The following DRAP1 variants were observed in gnomAD, a reference collection of about 807,000 sequenced individuals.
DRAP1 encodes the protein DR1 associated protein 1, also known as dr1-associated corepressor.
Under a neutral mutation model 24.1 loss-of-function variants are expected in DRAP1, and 10 were observed. The observed-to-expected ratio is 0.41, with a 90% CI of 0.26 to 0.70. The LOEUF (loss-of-function observed/expected upper bound fraction) is 0.70. Among genes scored for constraint, DRAP1 ranks in the 30% least tolerant of loss-of-function variants. The pLI is 0.29. For missense variants in DRAP1, 264 were observed against 275.6 expected, an observed-to-expected ratio of 0.96 and a Z score of 0.30; for synonymous variants, 122 against 113.8, an observed-to-expected ratio of 1.07 and a Z score of -0.46.
chr11:65,920,391 G>A lies in DRAP1; in HGVS notation c.258G>A (p.Leu86=), dbSNP rs755514978. The A allele has an allele frequency of 2.5e-6, 4 of 1,613,990 alleles. No homozygotes were observed. The highest frequency in any genetic ancestry group is 1.7e-5 in the Admixed American group (1 of 60,008). The change falls in exon 4 of 7, where the codon CTG becomes CTA. Residue 86 remains leucine, a synonymous_variant. Transcript: ENST00000312515. The stretch of plus-strand genomic sequence containing the variant: ...AGCAGTTTGACTTCTTGAAGGACCT[G>A]GTGGCATCTGTTCCCGACATGCAGG... ...LEQQFDFLKD[L]VASVPDMQGD...
chr11:65,921,172 C>T (rs1448234795), intron 6 of DRAP1, 158 bp from the exon 7 acceptor site: 4 of 683,420 alleles, frequency 5.9e-6, no homozygotes, highest in Non-Finnish European at 9.9e-6. Flanking sequence ...TGGGTGGGGC[C>T]TGGGCCTGCC....
At position 65,921,326 on chromosome 11, in the gene DRAP1, G is replaced by A. The variant is rs905161431; in HGVS notation, c.513-4G>A. On this transcript the variant is annotated splice_polypyrimidine_tract_variant and splice_region_variant and intron_variant, in intron 6 of 6. Coordinates refer to ENST00000312515, the MANE Select transcript of DRAP1 (RefSeq NM_006442.4). Reference sequence around the variant, plus strand: ...CTGACTCTCTCCTGCCTTCTGCCCTGCAGCCCCCCGACACCCTTCCTGCCC... The same window carrying A: ...CTGACTCTCTCCTGCCTTCTGCCCTACAGCCCCCCGACACCCTTCCTGCCC... 1.3e-6 allele frequency: 2 copies of A among 1,580,852 alleles called. No homozygotes were observed. The highest frequency in any genetic ancestry group is 1.7e-6 in the Non-Finnish European group (2 of 1,151,466).
rs1451923651 is a variant in DRAP1, at chr11:65,920,454, C to T, written c.321C>T (p.Gly107=). The change falls in exon 4 of 7, where the codon GGC becomes GGT. Residue 107 remains glycine, a synonymous_variant. Transcript: ENST00000312515. ...GEDNHMDGDK[G]ARRGRKPGSG... is the part of the protein sequence containing the mutation. ...ACAACCACATGGATGGGGACAAGGG[C>T]GCCCGCAGGTGGGGCCAGGGCCTGG... 1.2e-6 allele frequency: 2 copies of T among 1,614,004 alleles called. No individual in the cohort carries two copies. The highest frequency in any genetic ancestry group is 1.3e-5 in the African/African-American group (1 of 75,048).
Position 65,920,650 on chromosome 11 carries a change from C to T in DRAP1, c.411C>T (p.Asp137=). 7 of 1,495,800 alleles carry T rather than the reference C, an allele frequency of 4.7e-6. No homozygotes were observed. The highest frequency in any genetic ancestry group is 6.3e-6 in the Non-Finnish European group (7 of 1,118,586). The allele number at this position is 1,495,800 out of a possible 1,614,324, so 92.7% of individuals were successfully genotyped here. ...AGGACAAGAAGCTGTCCGGGACAGA[C>T]TCGGAGCAGGAGGTGAGTGAGGCCC... is the stretch of plus-strand genomic sequence containing the variant. ...KSKDKKLSGT[D]SEQEDESEDT... Residue 137 remains aspartate, a synonymous_variant, in exon 5 of 7, where the codon GAC becomes GAT. Coordinates refer to ENST00000312515, the MANE Select transcript of DRAP1 (RefSeq NM_006442.4).
rs751921176 is a variant in DRAP1, at chr11:65,920,511, T to G, written c.329+49T>G. 7.4e-6 allele frequency: 12 copies of G among 1,612,164 alleles called. No homozygotes were observed. The African/African-American group carries it at 8.0e-5, about 11-fold the overall frequency. ...GTGGGGAAGGCCAAGGCCACAGGGC[T>G]TGGGGGTGGCCAAGGAGTAGGGAGC... On this transcript the variant is annotated intron_variant, in intron 4 of 6. Coordinates refer to ENST00000312515, the MANE Select transcript of DRAP1 (RefSeq NM_006442.4).
Position 65,919,463 on chromosome 11 carries a change from C to A in DRAP1, c.-39C>A, listed in dbSNP as rs1208761500. On this transcript the variant is annotated 5_prime_UTR_variant, in exon 1 of 7. Coordinates refer to ENST00000312515, the MANE Select transcript of DRAP1 (RefSeq NM_006442.4). Reference sequence around the variant, plus strand: ...GGCCCGGGAGCCGGGAGGCTGCGGGCGGCGGCGCTGGACCCGACGCGGCGA... The same window carrying A: ...GGCCCGGGAGCCGGGAGGCTGCGGGAGGCGGCGCTGGACCCGACGCGGCGA... 1 of 1,513,302 alleles carries A rather than the reference C, an allele frequency of 6.6e-7. No homozygotes were observed. The highest frequency in any genetic ancestry group is 8.8e-7 in the Non-Finnish European group (1 of 1,131,986). The allele number at this position is 1,513,302 out of a possible 1,614,324, so 93.7% of individuals were successfully genotyped here.
intron 1 of DRAP1, 27 bp from the exon 2 acceptor site, chr11:65,919,753 G>GGT: frequency 6.2e-7 from 1 of 1,612,674 alleles, no homozygotes; most frequent in African/African-American, 1.3e-5. Context: ...TGGCGACGGG[G>GGT]TCTGAACTCT....
At position 65,921,444 on chromosome 11, in the gene DRAP1, G is replaced by GC. The variant is rs767392006; in HGVS notation, c.*15dup. 1.2e-5 allele frequency: 18 copies of GC among 1,522,532 alleles called. No individual in the cohort carries two copies. The highest frequency in any genetic ancestry group is 1.7e-4 in the Middle Eastern group (1 of 5,878). 94.3% of individuals were successfully genotyped at this position (1,522,532 alleles called of 1,614,324 possible). A position where few individuals can be genotyped will look rare whatever the true frequency, so the allele number is the denominator to read the frequency against. ...AAGATTACGACTCCTAGCGCCTTCT[G>GC]CCCCCCAGACCATAGCCCCTTTTAG... On this transcript the variant is annotated 3_prime_UTR_variant, in exon 7 of 7. Coordinates refer to ENST00000312515, the MANE Select transcript of DRAP1 (RefSeq NM_006442.4).
In DRAP1 at chr11:65,921,373, C is replaced by T. The variant is rs1854548528; in HGVS notation, c.556C>T (p.Pro186Ser). 3 of 1,610,572 alleles carry T rather than the reference C, an allele frequency of 1.9e-6. No individual in the cohort carries two copies. Among genetic ancestry groups the T allele is most frequent in the Non-Finnish European group, 2.5e-6 (3 of 1,177,110 alleles). The change falls in exon 7 of 7, where the codon CCC (proline) becomes TCC (serine). Residue 186 changes from proline (P) to serine (S), a missense_variant. Pro to Ser is a moderately conservative substitution (Grantham distance 74). This residue lies in a region of DRAP1 where 243 missense variants were observed against 233.6 expected (regional missense o/e 1.04). Transcript: ENST00000312515. ...GCCCTTCGCCTCTACTCTGCCTTTG[C>T]CCCCAGCGCCCCCGGGCCCCTCAGC... ...FLPFASTLPL[P>S]PAPPGPSAPD...
chr11:65,921,007 G>T, intron 6 of DRAP1, 35 bp downstream of exon 6: 1 of 1,521,380 alleles, frequency 6.6e-7, no homozygotes, highest in South Asian at 1.2e-5. Context: ...GGTGCTGGCA[G>T]ACTCCCCAGA....
chr11:65,919,511 A>C lies in DRAP1; in HGVS notation c.10A>C (p.Lys4Gln), dbSNP rs1341197444. 6.5e-7 allele frequency: 1 copy of C among 1,541,806 alleles called. No homozygotes were observed. The highest frequency in any genetic ancestry group is 8.7e-7 in the Non-Finnish European group (1 of 1,143,622). MPS[K>Q]KKKYNARFPP... ...CGAGAGAGGCCCCGAGATGCCGAGC[A>C]AGAAGAAGAAGTACAACGCGCGGTT... The change falls in exon 1 of 7, where the codon AAG becomes CAG. Residue 4 changes from lysine (K) to glutamine (Q), a missense_variant. This residue lies in a region of DRAP1 where 21 missense variants were observed against 42.0 expected (regional missense o/e 0.50). Coordinates refer to ENST00000312515, the MANE Select transcript of DRAP1 (RefSeq NM_006442.4).
At chr11:65,920,502 C>T in intron 4 of DRAP1, 40 bp downstream of exon 4, 2 of 1,612,760 alleles carry the variant, frequency 1.2e-6, no homozygotes, top group East Asian at 2.2e-5. Flanking sequence ...AAGGCCAAGG[C>T]CACAGGGCTT....
At chr11:65,919,610 T>C in intron 1 of DRAP1, 67 bp downstream of exon 1, 1 of 1,543,244 alleles carries the variant, frequency 6.5e-7, no homozygotes, top group Non-Finnish European at 8.7e-7. Context: ...CAGTTCCCGC[T>C]GGGCAGGCGG....
At chr11:65,919,688 C>T (rs1179554481) in intron 1 of DRAP1, 92 bp from the exon 2 acceptor site, 3 of 1,553,294 alleles carry the variant, frequency 1.9e-6, no homozygotes, top group Non-Finnish European at 2.6e-6. Flanking sequence ...CCGTGTCCCC[C>T]GCCCCCTTTC....
At chr11:65,920,816 G>A (rs1854541127) in intron 5 of DRAP1, 68 bp from the exon 6 acceptor site, 1 of 1,524,800 alleles carries the variant, frequency 6.6e-7, no homozygotes, top group Admixed American at 1.9e-5. Flanking sequence ...GTCTACTGCT[G>A]TCCCTGCCAC....
At chr11:65,921,209 C>T (rs986191954) in intron 6 of DRAP1, 121 bp from the exon 7 acceptor site, 20 of 733,246 alleles carry the variant, frequency 2.7e-5, no homozygotes, top group African/African-American at 3.6e-5. Context: ...GGGCCTTGGC[C>T]GCATGGATCT....
At position 65,919,767 on chromosome 11, in the gene DRAP1, C is replaced by T. The variant is rs778559486; in HGVS notation, c.43-13C>T. On this transcript the variant is annotated splice_polypyrimidine_tract_variant and intron_variant, in intron 1 of 6. Coordinates refer to ENST00000312515, the MANE Select transcript of DRAP1 (RefSeq NM_006442.4). ...GTGGCGACGGGGTCTGAACTCTGCT[C>T]CCCCACCCGCAGGCGCGGATCAAGA... 1 of 1,612,802 alleles carries T rather than the reference C, an allele frequency of 6.2e-7. No homozygotes were observed. The highest frequency in any genetic ancestry group is 8.5e-7 in the Non-Finnish European group (1 of 1,179,930).
rs200877260 is a variant in DRAP1 at position 65,920,879 on chromosome 11, C to G, written c.424-5C>G. ...TGTCAACTCTGACCTCTGCGGTGCT[C>G]ACAGGATGAATCTGAGGACACAGAT... On this transcript the variant is annotated splice_region_variant and splice_polypyrimidine_tract_variant and intron_variant, in intron 5 of 6. Coordinates refer to ENST00000312515, the MANE Select transcript of DRAP1 (RefSeq NM_006442.4). The G allele has an allele frequency of 3.9e-4, 626 of 1,610,884 alleles. 3 individuals carry two copies. Among genetic ancestry groups the G allele is most frequent in the Middle Eastern group, 9.9e-4 (6 of 6,072 alleles).
rs778071745 is a variant in DRAP1, at chr11:65,920,419, G to A, written c.286G>A (p.Asp96Asn). 4 of 1,614,150 alleles carry A rather than the reference G, an allele frequency of 2.5e-6. No individual in the cohort carries two copies. The highest frequency in any genetic ancestry group is 2.2e-5 in the East Asian group (1 of 44,884). ...GGCATCTGTTCCCGACATGCAGGGG[G>A]ACGGGGAAGACAACCACATGGATGG... ...LVASVPDMQGDGEDNHMDGDK... is the reference protein window; with the variant it reads ...LVASVPDMQGNGEDNHMDGDK... Residue 96 changes from aspartate (D) to asparagine (N), a missense_variant, in exon 4 of 7, where the codon GAC becomes AAC. Physicochemically the swap from Asp to Asn is conservative, Grantham distance 23. This residue lies in a region of DRAP1 where 243 missense variants were observed against 233.6 expected (regional missense o/e 1.04). Transcript: ENST00000312515.
Sources: gnomAD v4.1 joint callset for allele counts on GRCh38, gnomAD v4.1.1 for gene constraint, gnomAD v4.1.1 regional missense constraint, MANE v1.5 for transcripts, NCBI Gene and HGNC (gene_info 2026-07-23, HGNC 2026-07-21) for gene names.